The following ACP7 variants were observed in gnomAD, a reference collection of about 807,000 sequenced individuals.
ACP7 encodes the protein acid phosphatase type 7.
Under a neutral mutation model 60.6 loss-of-function variants are expected in ACP7, and 58 were observed. That is an observed-to-expected ratio of 0.96 (90% CI 0.77 to 1.19). ACP7 has a LOEUF of 1.19. Ranked by LOEUF, ACP7 falls within the 50% of genes most tolerant of loss-of-function variation. The probability of loss-of-function intolerance (pLI) is 0.00; values close to 1 mark genes in which losing one functional copy is unlikely to be tolerated. For missense variants in ACP7, 574 were observed against 596.2 expected (o/e 0.96, Z 0.39); for synonymous variants, 237 against 232.6 (o/e 1.02, Z -0.17).
intron 12 of ACP7, among the ~76,000 whole-genome samples, chr19:39,108,409 G>A (rs570454648): frequency 2.2e-4 from 34 of 152,132 alleles, no homozygotes; most frequent in African/African-American, 8.2e-4. Flanking sequence ...CCAAAGTGCT[G>A]GGATTACAGG....
At chr19:39,091,164 C>CTT (rs111230201) in intron 2 of ACP7, among the ~76,000 whole-genome samples, 7 of 139,658 alleles carry the variant, frequency 5.0e-5, no homozygotes, top group African/African-American at 1.0e-4. Context: ...TCTTTTCTTT[C>CTT]TTTTTTTTTT....
chr19:39,092,299 G>A (rs1020279591), intron 2 of ACP7, among the ~76,000 whole-genome samples: 1 of 152,090 alleles, frequency 6.6e-6, no homozygotes, highest in Non-Finnish European at 1.5e-5. Context: ...GCTTCAACCC[G>A]GGAGGCAGAG....
intron 2 of ACP7, among the ~76,000 whole-genome samples, chr19:39,094,502 CAA>C (rs11289993): frequency 0.22 from 30,043 of 137,474 alleles, 3,486 homozygotes; most frequent in East Asian, 0.3. Context: ...GACTTAGTCT[CAA>C]AAAAAAAAAA....
chr19:39,102,859 C>T lies in ACP7; in HGVS notation c.1113+1322C>T, dbSNP rs1330023341. Among the ~76,000 whole-genome samples the T allele has an allele frequency of 9.6e-5, 14 of 145,864 alleles. 1 individual carries two copies. The highest frequency in any genetic ancestry group is 1.0e-4 in the African/African-American group (4 of 39,450). On this transcript the variant is annotated intron_variant, in intron 11 of 12. Coordinates refer to ENST00000331256, the MANE Select transcript of ACP7 (RefSeq NM_001004318.3). ...CTTCTTTCTTTCTTTTTTTTTGAGA[C>T]GGAGTTTCACTCTTGTCACCCAGGC...
At chr19:39,087,113 G>A (rs1039402361) in intron 2 of ACP7, among the ~76,000 whole-genome samples, 2 of 151,934 alleles carry the variant, frequency 1.3e-5, no homozygotes, top group African/African-American at 4.8e-5. Context: ...GGGTTCAAGT[G>A]ATTCTCCCAC....
Position 39,106,987 on chromosome 19 carries a change from G to T in ACP7, c.1154G>T (p.Arg385Met). 6.2e-7 allele frequency: 1 copy of T among 1,614,026 alleles called. No homozygotes were observed. Residue 385 changes from arginine (R) to methionine (M), a missense_variant, in exon 12 of 13, where the codon AGG becomes ATG. Coordinates refer to ENST00000331256, the MANE Select transcript of ACP7 (RefSeq NM_001004318.3). ...ERLTPFAVFP[R>M]PWSAVRVKEY... ...CTGACGCCCTTTGCTGTCTTCCCGA[G>T]GCCCTGGAGTGCCGTGCGTGTGAAG... is the stretch of plus-strand genomic sequence containing the variant.
chr19:39,085,810 C>G (rs547877), intron 2 of ACP7, among the ~76,000 whole-genome samples: 10,938 of 152,118 alleles, frequency 0.072, 1,318 homozygotes, highest in African/African-American at 0.25. Flanking sequence ...GACTGCCTCC[C>G]GATCTTTGAT....
rs986153310 is a variant in ACP7 at position 39,096,484 on chromosome 19, A to G, written c.122-1974A>G. On this transcript the variant is annotated intron_variant, in intron 2 of 12. Transcript: ENST00000331256. ...TTTCATTGTCCATATCATTATCAGT[A>G]TTTTTGTCAAAGCCATTCAACAAGT... Among the ~76,000 whole-genome samples the G allele has an allele frequency of 4.6e-5, 7 of 152,060 alleles. No homozygotes were observed. The East Asian group carries it at 7.7e-4, about 17-fold the overall frequency.
intron 4 of ACP7, among the ~76,000 whole-genome samples, chr19:39,099,473 G>C (rs2145009008): frequency 6.6e-6 from 1 of 152,236 alleles, no homozygotes. Context: ...TGCCTCGCAG[G>C]GTGCAGGTGC....
At chr19:39,099,260 G>C in intron 4 of ACP7, 118 bp downstream of exon 4, 1 of 1,174,654 alleles carries the variant, frequency 8.5e-7, no homozygotes, top group Non-Finnish European at 1.1e-6. Context: ...GGAGGGGACA[G>C]GGCTGGGGCC....
rs2073458799 is a variant in ACP7 at position 39,110,497 on chromosome 19, T to C, written c.*379T>C. ...GGGGATGCCGCTGGGCTTCCTCCTC[T>C]CCTGCCCACCTGGCAAGGGCATCGC... On this transcript the variant is annotated 3_prime_UTR_variant, in exon 13 of 13. Transcript: ENST00000331256. 1.1e-5 allele frequency: 2 copies of C among 178,994 alleles called. No individual in the cohort carries two copies. The highest frequency in any genetic ancestry group is 2.3e-5 in the Non-Finnish European group (2 of 85,384). 11.1% of individuals were successfully genotyped at this position (178,994 alleles called of 1,614,324 possible).
At chr19:39,097,412 A>AAAAAT (rs2073279063) in intron 2 of ACP7, among the ~76,000 whole-genome samples, 1 of 151,688 alleles carries the variant, frequency 6.6e-6, no homozygotes, top group African/African-American at 2.4e-5. Flanking sequence ...AAAAAAAAAA[A>AAAAAT]AATTAGCTGG....
intron 2 of ACP7, among the ~76,000 whole-genome samples, chr19:39,092,518 G>C (rs1478978999): frequency 6.6e-6 from 1 of 151,892 alleles, no homozygotes; most frequent in Non-Finnish European, 1.5e-5. Context: ...ACTGTTTCTT[G>C]CGGTTATTAT....
chr19:39,096,818 A>G (rs985266945), intron 2 of ACP7, among the ~76,000 whole-genome samples: 3 of 151,962 alleles, frequency 2.0e-5, no homozygotes, highest in Admixed American at 6.6e-5. Context: ...TCTTTTTTTG[A>G]GACAGACAGA....
intron 2 of ACP7, among the ~76,000 whole-genome samples, chr19:39,091,550 C>T (rs2073204697): frequency 2.0e-5 from 3 of 152,140 alleles, no homozygotes; most frequent in Admixed American, 1.3e-4. Flanking sequence ...CTTCTAGTTC[C>T]TCTCAACAAA....
At chr19:39,108,686 T>C (rs562129458) in intron 12 of ACP7, among the ~76,000 whole-genome samples, 136 of 152,238 alleles carry the variant, frequency 8.9e-4, no homozygotes, top group South Asian at 1.9e-3. Context: ...TAAGGTTAGG[T>C]GGATCCAAAT....
At chr19:39,090,261 C>G (rs955667577) in intron 2 of ACP7, among the ~76,000 whole-genome samples, 2 of 151,902 alleles carry the variant, frequency 1.3e-5, no homozygotes, top group Admixed American at 6.6e-5. Context: ...CTCCACCTCC[C>G]AGGTTCAAGC....
intron 2 of ACP7, among the ~76,000 whole-genome samples, chr19:39,087,514 T>C (rs550725432): frequency 7.2e-4 from 109 of 152,148 alleles, no homozygotes; most frequent in African/African-American, 2.4e-3. Context: ...GGCACTGGAG[T>C]GCAGTAGCAC....
At chr19:39,088,079 T>A (rs2073165061) in intron 2 of ACP7, among the ~76,000 whole-genome samples, 1 of 152,180 alleles carries the variant, frequency 6.6e-6, no homozygotes, top group Non-Finnish European at 1.5e-5. Context: ...TGGAATGCAA[T>A]GGCGCAATCA....
Sources: gnomAD v4.1 joint callset for allele counts (sites outside exome capture counted in the v4.1 genomes callset) on GRCh38, gnomAD v4.1.1 for gene constraint, MANE v1.5 for transcripts, NCBI Gene and HGNC (gene_info 2026-07-23, HGNC 2026-07-21) for gene names.